SV2B: variants seen among roughly 807,000 people sequenced by gnomAD.
The protein encoded by SV2B is synaptic vesicle glycoprotein 2B, also known as solute carrier family 22 member B2.
SV2B carries 41 observed loss-of-function variants against 73.9 expected under a neutral mutation model. The ratio of observed to expected loss-of-function variants is 0.56; its 90% CI spans 0.43 to 0.72. The LOEUF (loss-of-function observed/expected upper bound fraction) is 0.72. SV2B is among the 30% of genes least tolerant of loss of function. The pLI, the probability that SV2B is intolerant of heterozygous loss-of-function variation, is 0.00. For synonymous variants in SV2B, 314 were observed against 314.2 expected (o/e 1.00, Z 0.01); for missense variants, 764 against 857.8 (o/e 0.89, Z 1.37).
At position 91,295,261 on chromosome 15, in the gene SV2B, T is replaced by C. The variant is rs1387195442; in HGVS notation, c.*2709T>C. On this transcript the variant is annotated 3_prime_UTR_variant, in exon 13 of 13. Coordinates refer to ENST00000394232, the MANE Select transcript of SV2B (RefSeq NM_001323032.3). ...CTGATGCTGATTTTTGATCTTTTGT[T>C]TTATTAAAAATAATTAGTGAAAGAG... 6.6e-6 allele frequency: 1 copy of C among 152,244 alleles called. No individual in the cohort carries two copies. Among genetic ancestry groups the C allele is most frequent in the African/African-American group, 2.4e-5 (1 of 41,470 alleles). The allele number at this position is 152,244 out of a possible 1,614,324, so 9.4% of individuals were successfully genotyped here.
rs578155229 is a variant in SV2B at position 91,259,817 on chromosome 15, C to T, written c.919-503C>T. ...CTTCCTATAAGGGCAGCAGTTATAT[C>T]GAAACAAGGCTCCACCTACTCCAGA... On this transcript the variant is annotated intron_variant, in intron 5 of 12. Transcript: ENST00000394232. Among the ~76,000 whole-genome samples, 9 of 152,222 alleles carry T rather than the reference C, an allele frequency of 5.9e-5. 1 individual carries two copies. Among genetic ancestry groups the T allele is most frequent in the South Asian group, 4.1e-4 (2 of 4,824 alleles).
At chr15:91,264,707 T>C (rs544674369) in intron 6 of SV2B, among the ~76,000 whole-genome samples, 1 of 152,166 alleles carries the variant, frequency 6.6e-6, no homozygotes, top group East Asian at 1.9e-4. Context: ...AGCCAGGAAA[T>C]AAATAAAAAT....
At chr15:91,162,720 C>A (rs1010298980) in intron 1 of SV2B, among the ~76,000 whole-genome samples, 1 of 152,070 alleles carries the variant, frequency 6.6e-6, no homozygotes, top group Non-Finnish European at 1.5e-5. Flanking sequence ...GGTTGGAGGC[C>A]GAAGTTCCTG....
chr15:91,187,908 T>A (rs1567327023), intron 1 of SV2B, among the ~76,000 whole-genome samples: 1 of 152,126 alleles, frequency 6.6e-6, no homozygotes, highest in Non-Finnish European at 1.5e-5. Flanking sequence ...CTTTGATTCG[T>A]TTTATTTGGG....
intron 1 of SV2B, among the ~76,000 whole-genome samples, chr15:91,163,391 G>C (rs954503426): frequency 6.6e-6 from 1 of 152,206 alleles, no homozygotes; most frequent in African/African-American, 2.4e-5. Context: ...CAGTGTAAAA[G>C]TGTTCCTATT....
Position 91,226,667 on chromosome 15 carries a change from G to T in SV2B, c.404G>T (p.Ser135Ile). Reference protein sequence around the residue: ...EVFVVSFALPSAEKDMCLSSS... With the variant: ...EVFVVSFALPIAEKDMCLSSS... ...TTCGTGGTGAGTTTTGCCCTGCCCAGTGCAGAGAAGGACATGTGTCTGTCC... is the reference window on the plus strand; with the variant it reads ...TTCGTGGTGAGTTTTGCCCTGCCCATTGCAGAGAAGGACATGTGTCTGTCC... The change falls in exon 2 of 13, where the codon AGT becomes ATT. Residue 135 changes from serine to isoleucine, a missense_variant. Ser to Ile is a moderately radical substitution (Grantham distance 142). Transcript: ENST00000394232. 6.2e-7 allele frequency: 1 copy of T among 1,613,452 alleles called. No homozygotes were observed. The highest frequency in any genetic ancestry group is 8.5e-7 in the Non-Finnish European group (1 of 1,180,000).
chr15:91,269,828 A>G (rs1390146508), intron 9 of SV2B, among the ~76,000 whole-genome samples: 3 of 152,148 alleles, frequency 2.0e-5, no homozygotes, highest in Admixed American at 2.0e-4. Context: ...ATGGGTTCAG[A>G]TTTTCAGAAT....
In SV2B at chr15:91,197,451, C is replaced by A. The variant is rs28473026; in HGVS notation, c.-391-28422C>A. Among the ~76,000 whole-genome samples the A allele has an allele frequency of 6.6e-6, 1 of 151,322 alleles. No homozygotes were observed. The highest frequency in any genetic ancestry group is 1.5e-5 in the Non-Finnish European group (1 of 67,854). On this transcript the variant is annotated intron_variant, in intron 1 of 12. Transcript: ENST00000394232. This position sits in a 1 kb window ranked among gnomAD's most constrained non-coding sequence, Gnocchi z 4.9. ...GTTGGTCAGGCTGGTCTCAAACTCC[C>A]GACTTCAGGTCATCCACCTGCCTCG...
intron 1 of SV2B, among the ~76,000 whole-genome samples, chr15:91,108,943 C>G (rs565129476): frequency 1.3e-5 from 2 of 152,220 alleles, no homozygotes; most frequent in Non-Finnish European, 2.9e-5. Context: ...GCTCCACCCA[C>G]CTCCTGTTCC....
chr15:91,126,239 A>T (rs2042478953), intron 1 of SV2B, among the ~76,000 whole-genome samples: 2 of 152,204 alleles, frequency 1.3e-5, no homozygotes, highest in Admixed American at 1.3e-4. Flanking sequence ...TCCAAGATGG[A>T]GACCCAGAGC....
intron 1 of SV2B, among the ~76,000 whole-genome samples, chr15:91,146,000 T>C (rs759039345): frequency 3.3e-5 from 5 of 152,218 alleles, no homozygotes; most frequent in African/African-American, 4.8e-5. Context: ...GTGCCATTTG[T>C]CACCTTTTGC....
At chr15:91,248,691 C>T (rs949001698) in intron 2 of SV2B, among the ~76,000 whole-genome samples, 4 of 152,088 alleles carry the variant, frequency 2.6e-5, no homozygotes, top group Non-Finnish European at 5.9e-5. Context: ...AGTGTGGTCC[C>T]CAGACCAGCA....
intron 1 of SV2B, among the ~76,000 whole-genome samples, chr15:91,204,527 G>A (rs1223010438): frequency 6.6e-6 from 1 of 150,474 alleles, no homozygotes; most frequent in Non-Finnish European, 1.5e-5. Flanking sequence ...GTGCTTATCT[G>A]GCCACTTATT....
At position 91,121,438 on chromosome 15, in the gene SV2B, A is replaced by G. The variant is rs1364074570; in HGVS notation, c.-392+21075A>G. Among the ~76,000 whole-genome samples, 1 of 152,202 alleles carries G rather than the reference A, an allele frequency of 6.6e-6. No homozygotes were observed. Among genetic ancestry groups the G allele is most frequent in the Non-Finnish European group, 1.5e-5 (1 of 68,026 alleles). ...GACCCAGTGACAGAGCAAACCTTCA[A>G]TTATTATTACTGTTTCTATTGCTTT... On this transcript the variant is annotated intron_variant, in intron 1 of 12. Coordinates refer to ENST00000394232, the MANE Select transcript of SV2B (RefSeq NM_001323032.3). This position sits in a 1 kb window ranked among gnomAD's most constrained non-coding sequence, Gnocchi z 4.4.
chr15:91,123,455 G>T lies in SV2B; in HGVS notation c.-392+23092G>T, dbSNP rs2151747894. Reference sequence around the variant, plus strand: ...ATTTTTATTTGTCAATTAAAAGAAAGAAATAAGAGCTTGAGGAAGATACAG... The same window carrying T: ...ATTTTTATTTGTCAATTAAAAGAAATAAATAAGAGCTTGAGGAAGATACAG... On this transcript the variant is annotated intron_variant, in intron 1 of 12. Transcript: ENST00000394232. This position sits in a 1 kb window ranked among gnomAD's most constrained non-coding sequence, Gnocchi z 4.7. Among the ~76,000 whole-genome samples the T allele has an allele frequency of 6.6e-6, 1 of 152,210 alleles. No individual in the cohort carries two copies. Among genetic ancestry groups the T allele is most frequent in the South Asian group, 2.1e-4 (1 of 4,820 alleles).
chr15:91,200,968 C>A (rs916407527), intron 1 of SV2B, among the ~76,000 whole-genome samples: 1 of 152,180 alleles, frequency 6.6e-6, no homozygotes, highest in Non-Finnish European at 1.5e-5. Flanking sequence ...TCTCTTTGTA[C>A]ACATCCTGGA....
intron 1 of SV2B, among the ~76,000 whole-genome samples, chr15:91,166,947 G>T (rs1433580912): frequency 2.0e-5 from 3 of 151,808 alleles, no homozygotes; most frequent in African/African-American, 7.3e-5. Flanking sequence ...CCAAGTAGCT[G>T]GGACTACAGG....
intron 1 of SV2B, among the ~76,000 whole-genome samples, chr15:91,143,444 C>T (rs2043055730): frequency 6.6e-6 from 1 of 152,100 alleles, no homozygotes; most frequent in Non-Finnish European, 1.5e-5. Context: ...GCAGCATTTA[C>T]CCTGAGATAA....
At position 91,229,692 on chromosome 15, in the gene SV2B, C is replaced by T. The variant is rs897982606; in HGVS notation, c.451+2978C>T. On this transcript the variant is annotated intron_variant, in intron 2 of 12. Coordinates refer to ENST00000394232, the MANE Select transcript of SV2B (RefSeq NM_001323032.3). The surrounding 1 kb of genome is among the most constrained non-coding windows in gnomAD (Gnocchi z 4.3). ...TCCATTTAACATGACTAAAACAGTA[C>T]CTGCCCCTAATCAGTGCTCAAGATA... Among the ~76,000 whole-genome samples, 6 of 152,262 alleles carry T rather than the reference C, an allele frequency of 3.9e-5. No individual in the cohort carries two copies. The Middle Eastern group carries it at 0.01, about 259-fold the overall frequency.
Sources: allele counts gnomAD v4.1 joint callset (sites outside exome capture counted in the v4.1 genomes callset), GRCh38; gene constraint gnomAD v4.1.1; non-coding constraint Gnocchi (gnomAD v3.1); transcripts MANE v1.5; gene names NCBI Gene and HGNC (gene_info 2026-07-23, HGNC 2026-07-21).